The following SSPN variants were observed in gnomAD, a reference collection of about 807,000 sequenced individuals.
The protein encoded by SSPN is K-ras oncogene-associated protein.
SSPN carries 15 observed loss-of-function variants against 19.1 expected under a neutral mutation model. That is an observed-to-expected ratio of 0.78 (90% CI 0.52 to 1.21). The LOEUF (loss-of-function observed/expected upper bound fraction) is 1.21, where lower values mean the gene tolerates loss of function less well. Among genes scored for constraint, SSPN ranks in the 50% most tolerant of loss-of-function variants. The probability of loss-of-function intolerance (pLI) is 0.00; values close to 1 mark genes in which losing one functional copy is unlikely to be tolerated. For synonymous variants in SSPN, 147 were observed against 140.3 expected (o/e 1.05, Z -0.34); for missense variants, 291 against 314.0 (o/e 0.93, Z 0.55).
chr12:26,145,706 G>A (rs980996598), intron 1 of SSPN, among the ~76,000 whole-genome samples: 1 of 152,158 alleles, frequency 6.6e-6, no homozygotes, highest in East Asian at 1.9e-4. Context: ...CAAGAATGGC[G>A]CCACCACCAT....
At chr12:26,124,601 C>A (rs371884812) in intron 1 of SSPN, 66 of 1,614,018 alleles carry the variant, frequency 4.1e-5, no homozygotes, top group Non-Finnish European at 5.0e-5. Context: ...CAGAAATCAG[C>A]ATCAGGCACC....
chr12:26,213,289 A>G (rs1591886358), intron 1 of SSPN, among the ~76,000 whole-genome samples: 3 of 152,128 alleles, frequency 2.0e-5, no homozygotes, highest in African/African-American at 7.2e-5. Flanking sequence ...CAGGAAAAGA[A>G]GTTTTATAAC....
intron 1 of SSPN, among the ~76,000 whole-genome samples, chr12:26,212,973 G>A (rs538522416): frequency 8.6e-5 from 13 of 151,764 alleles, no homozygotes; most frequent in African/African-American, 3.1e-4. Flanking sequence ...CAGTTCTGCC[G>A]TAAACTCTTC....
rs529183220 is a variant in SSPN at position 26,151,291 on chromosome 12, C to G, written c.-31+29139C>G. ...ACATTGCTAAATCCTTTTGGAGAGGCTAGAGAGAAACTGAAGGAAGTTACA... is the reference window on the plus strand; with the variant it reads ...ACATTGCTAAATCCTTTTGGAGAGGGTAGAGAGAAACTGAAGGAAGTTACA... On this transcript the variant is annotated intron_variant, in intron 1 of 2. Transcript: ENST00000538142. Among the ~76,000 whole-genome samples, 19 of 152,068 alleles carry G rather than the reference C, an allele frequency of 1.2e-4. No homozygotes were observed. The East Asian group carries it at 3.7e-3, about 29-fold the overall frequency.
At chr12:26,182,463 C>T (rs532516426) in intron 1 of SSPN, among the ~76,000 whole-genome samples, 5 of 152,188 alleles carry the variant, frequency 3.3e-5, no homozygotes, top group Non-Finnish European at 4.4e-5. Context: ...ATGTTTTGAG[C>T]GACTATAGTT....
chr12:26,147,278 G>GTTTT (rs375676175), intron 1 of SSPN, among the ~76,000 whole-genome samples: 9 of 146,882 alleles, frequency 6.1e-5, no homozygotes, highest in South Asian at 2.1e-4. Context: ...TTTTTTTTGT[G>GTTTT]TTTTTTTTTT....
intron 1 of SSPN, chr12:26,122,513 G>A: frequency 7.7e-7 from 1 of 1,294,120 alleles, no homozygotes; most frequent in Non-Finnish European, 9.9e-7. Context: ...GGAAGGGCGC[G>A]CCTCCGCCTC....
rs112856454 is a variant in SSPN, at chr12:26,207,820, G to A, written c.279+11869G>A. 9.9e-5 allele frequency among the ~76,000 whole-genome samples: 15 copies of A among 152,224 alleles called. No individual in the cohort carries two copies. The South Asian group carries it at 1.9e-3, about 19-fold the overall frequency. ...AGCCTGGGCAACATGGCAAAACCCC[G>A]TCTCTACAAAAAATACTTTTTGTAG... is the stretch of plus-strand genomic sequence containing the variant. On this transcript the variant is annotated intron_variant, in intron 1 of 2. Coordinates refer to ENST00000242729, the MANE Select transcript of SSPN (RefSeq NM_005086.5).
chr12:26,143,392 T>G (rs1944471734), intron 1 of SSPN, among the ~76,000 whole-genome samples: 2 of 152,232 alleles, frequency 1.3e-5, no homozygotes, highest in African/African-American at 2.4e-5. Flanking sequence ...CACAGTAACC[T>G]ATGGCTGGGC....
chr12:26,224,529 A>G, intron 2 of SSPN, 150 bp downstream of exon 2: 1 of 666,056 alleles, frequency 1.5e-6, no homozygotes, highest in Non-Finnish European at 2.7e-6. Context: ...GAGGGCATTG[A>G]TCCAGACCTC....
At chr12:26,122,087 C>T (rs1296021883) in exon 1 of SSPN, 3 of 1,549,836 alleles carry the variant, frequency 1.9e-6, no homozygotes, top group South Asian at 2.4e-5. Context: ...CCTTTCCTGG[C>T]TGCGAGGGAT....
chr12:26,200,347 G>T (rs973685044), intron 1 of SSPN, among the ~76,000 whole-genome samples: 3 of 152,090 alleles, frequency 2.0e-5, no homozygotes, highest in Non-Finnish European at 4.4e-5. Context: ...AACAGTTTTC[G>T]TATGTTAACT....
chr12:26,188,290 G>C (rs79447134), intron 1 of SSPN, among the ~76,000 whole-genome samples: 1 of 152,052 alleles, frequency 6.6e-6, no homozygotes, highest in African/African-American at 2.4e-5. Flanking sequence ...AAAAGAACAC[G>C]ACCCACAAGG....
chr12:26,228,486 A>G (rs1945199485), intron 2 of SSPN, among the ~76,000 whole-genome samples: 1 of 152,148 alleles, frequency 6.6e-6, no homozygotes. Context: ...TAAAACAGGT[A>G]GAGAAAACTC....
Position 26,128,402 on chromosome 12 carries a change from TA to T in SSPN, c.-31+6253del, listed in dbSNP as rs755578797. On this transcript the variant is annotated intron_variant, in intron 1 of 2. Transcript: ENST00000538142. Reference sequence around the variant, plus strand: ...GCATCTAGCTTCAAATTTATTGATTTAAATCCAAATATCCTAATTAACTCTT... The same window carrying T: ...GCATCTAGCTTCAAATTTATTGATTTAATCCAAATATCCTAATTAACTCTT... Among the ~76,000 whole-genome samples, 54 of 152,346 alleles carry T rather than the reference TA, an allele frequency of 3.5e-4. 1 individual carries two copies. Among genetic ancestry groups the T allele is most frequent in the Non-Finnish European group, 6.9e-4 (47 of 68,026 alleles).
intron 1 of SSPN, among the ~76,000 whole-genome samples, chr12:26,203,840 G>A (rs1057044276): frequency 6.6e-6 from 1 of 152,158 alleles, no homozygotes; most frequent in Admixed American, 6.5e-5. Flanking sequence ...TTCCTGGCTT[G>A]CAGGCGGCTG....
chr12:26,143,796 A>G (rs550980583), intron 1 of SSPN, among the ~76,000 whole-genome samples: 1 of 152,212 alleles, frequency 6.6e-6, no homozygotes, highest in Non-Finnish European at 1.5e-5. Context: ...GTAAAGCTTC[A>G]TCTGTATTTA....
intron 1 of SSPN, among the ~76,000 whole-genome samples, chr12:26,132,612 G>A (rs7358598): frequency 0.052 from 7,907 of 152,142 alleles, 221 homozygotes; most frequent in South Asian, 0.07. Context: ...AGCCATCTAG[G>A]CCTTCATTAT....
intron 1 of SSPN, among the ~76,000 whole-genome samples, chr12:26,177,775 T>C (rs2137438406): frequency 6.6e-6 from 1 of 152,244 alleles, no homozygotes; most frequent in South Asian, 2.1e-4. Context: ...TCTGACAGAG[T>C]GCTCTGATCT....
Sources: gnomAD v4.1 joint callset for allele counts (sites outside exome capture counted in the v4.1 genomes callset) on GRCh38, gnomAD v4.1.1 for gene constraint, MANE v1.5 for transcripts, NCBI Gene and HGNC (gene_info 2026-07-23, HGNC 2026-07-21) for gene names.